SLC35B2: variants seen among roughly 807,000 people sequenced by gnomAD.
SLC35B2 encodes adenosine 3'-phospho 5'-phosphosulfate transporter 1.
A neutral mutation model predicts 37.9 loss-of-function variants in SLC35B2; 19 were observed. The observed-to-expected ratio is 0.50, with a 90% CI of 0.35 to 0.74. The LOEUF (loss-of-function observed/expected upper bound fraction) is 0.74. Ranked by LOEUF, SLC35B2 falls within the 30% of genes least tolerant of loss-of-function variation. The probability of loss-of-function intolerance (pLI) is 0.01; values close to 1 mark genes in which losing one functional copy is unlikely to be tolerated. For missense variants in SLC35B2, 633 were observed against 547.6 expected (o/e 1.16, Z -1.56); for synonymous variants, 277 against 225.2 (o/e 1.23, Z -2.06).
At chr6:44,257,289 G>T in intron 1 of SLC35B2, 111 bp downstream of exon 1, 1 of 1,206,962 alleles carries the variant, frequency 8.3e-7, no homozygotes, top group Non-Finnish European at 1.1e-6. Context: ...GCAGCGATAT[G>T]CTGGCCGACG....
rs1371530853 is a variant in SLC35B2 at position 44,257,437 on chromosome 6, G to T, written c.-27C>A. 6 of 1,253,702 alleles carry T rather than the reference G, an allele frequency of 4.8e-6. No individual in the cohort carries two copies. The Admixed American group carries it at 1.7e-4, about 35-fold the overall frequency. 77.7% of individuals were successfully genotyped at this position (1,253,702 alleles called of 1,614,324 possible). A position where few individuals can be genotyped will look rare whatever the true frequency, so the allele number is the denominator to read the frequency against. Reference sequence around the variant, plus strand: ...GTCCAGGCCGCGTGGGGTGGAGGGGGAACCGGGGAATGCGAGTCCCCGGGC... The same window carrying T: ...GTCCAGGCCGCGTGGGGTGGAGGGGTAACCGGGGAATGCGAGTCCCCGGGC... On this transcript the variant is annotated 5_prime_UTR_variant, in exon 1 of 4. Transcript: ENST00000393812.
In SLC35B2 at chr6:44,254,995, AACTC is replaced by A. The variant is rs1781235461; in HGVS notation, c.1006_1009del (p.Glu336LeufsTer35). The stretch of plus-strand genomic sequence containing the variant: ...GGAGAGTAGCAGGGCATGGGCAGCA[AACTC>A]ACTGTGTCGCCCCATGAAGCGGGTT... On this transcript the variant is annotated frameshift_variant, in exon 4 of 4. Transcript: ENST00000393812. LOFTEE classifies it high-confidence loss of function. The A allele has an allele frequency of 1.2e-6, 2 of 1,614,216 alleles. No homozygotes were observed. The highest frequency in any genetic ancestry group is 1.7e-6 in the Non-Finnish European group (2 of 1,180,028).
At chr6:44,257,003 G>A in intron 1 of SLC35B2, 125 bp from the exon 2 acceptor site, 2 of 1,064,842 alleles carry the variant, frequency 1.9e-6, no homozygotes, top group Non-Finnish European at 2.6e-6. Context: ...CTCCGGCCCG[G>A]ACAAAGAGCC....
chr6:44,255,517 G>A lies in SLC35B2; in HGVS notation c.488C>T (p.Ala163Val). The A allele has an allele frequency of 6.2e-7, 1 of 1,614,188 alleles. No individual in the cohort carries two copies. The highest frequency in any genetic ancestry group is 1.1e-5 in the South Asian group (1 of 91,080). ...ACAGGAGAGGCCAGCCACAATCAGT[G>A]CCAGCACTCGGTTCATTAGCACCAG... ...QFLVLMNRVLALIVAGLSCVL... is the reference protein window; with the variant it reads ...QFLVLMNRVLVLIVAGLSCVL... Residue 163 changes from alanine to valine, a missense_variant, in exon 4 of 4, where the codon GCA (alanine) becomes GTA (valine). By Grantham distance (64) the Ala-to-Val change is moderately conservative. Transcript: ENST00000393812.
rs1291563654 is a variant in SLC35B2 at position 44,254,764 on chromosome 6, CG to C, written c.1240del (p.Arg414ValfsTer2). The part of the protein sequence containing the change: ...ALLLRVYARG[R>X]LKQRGKKAVP... Reference sequence around the variant, plus strand: ...AGCCTTCTTTCCCCGTTGCTTTAGACGGCCCCGCGCGTAGACTCTGAGCAGG... The same window carrying C: ...AGCCTTCTTTCCCCGTTGCTTTAGACGCCCCGCGCGTAGACTCTGAGCAGG... On this transcript the variant is annotated frameshift_variant, in exon 4 of 4. Transcript: ENST00000393812. LOFTEE classifies it high-confidence loss of function. The C allele has an allele frequency of 2.5e-6, 4 of 1,613,986 alleles. No homozygotes were observed. Among genetic ancestry groups the C allele is most frequent in the Non-Finnish European group, 3.4e-6 (4 of 1,179,996 alleles).
rs778602962 is a variant in SLC35B2, at chr6:44,255,008, G to A, written c.997C>T (p.Arg333Ter). 3.7e-6 allele frequency: 6 copies of A among 1,614,198 alleles called. No individual in the cohort carries two copies. Among genetic ancestry groups the A allele is most frequent in the Non-Finnish European group, 2.5e-6 (3 of 1,180,022 alleles). The change falls in exon 4 of 4, where the codon CGA (arginine) becomes TGA (stop). Residue 333 changes from arginine to a stop codon, truncating the protein, a stop_gained. Transcript: ENST00000393812. LOFTEE classifies it high-confidence loss of function. ...GCATGGGCAGCAAACTCACTGTGTC[G>A]CCCCATGAAGCGGGTTCCCTCCAGT... The part of the protein sequence containing the change: ...ALLEGTRFMG[R>*]HSEFAAHALL...
chr6:44,254,993 C>G lies in SLC35B2; in HGVS notation c.1012G>C (p.Ala338Pro). 4.3e-6 allele frequency: 7 copies of G among 1,614,222 alleles called. No homozygotes were observed. Among genetic ancestry groups the G allele is most frequent in the Non-Finnish European group, 5.9e-6 (7 of 1,180,026 alleles). Residue 338 changes from alanine (A) to proline (P), a missense_variant, in exon 4 of 4, where the codon GCT becomes CCT. Ala to Pro is a conservative substitution (Grantham distance 27, BLOSUM62 -1). Transcript: ENST00000393812. Reference protein sequence around the residue: ...TRFMGRHSEFAAHALLLSICS... With the variant: ...TRFMGRHSEFPAHALLLSICS... Reference sequence around the variant, plus strand: ...ATGGAGAGTAGCAGGGCATGGGCAGCAAACTCACTGTGTCGCCCCATGAAG... The same window carrying G: ...ATGGAGAGTAGCAGGGCATGGGCAGGAAACTCACTGTGTCGCCCCATGAAG...
Position 44,255,440 on chromosome 6 carries a change from C to T in SLC35B2, c.565G>A (p.Ala189Thr). The T allele has an allele frequency of 6.2e-7, 1 of 1,614,220 alleles. No homozygotes were observed. ...CTGCTAAGCACATTGGACAGGCTGG[C>T]AAAGGAGTACCGGTACATGGGTGCC... ...HGAPMYRYSF[A>T]SLSNVLSSWC... The change falls in exon 4 of 4, where the codon GCC (alanine) becomes ACC (threonine). Residue 189 changes from alanine (A) to threonine (T), a missense_variant. Transcript: ENST00000393812.
chr6:44,257,129 C>T (rs753169056), intron 1 of SLC35B2: 6 of 549,372 alleles, frequency 1.1e-5, no homozygotes, highest in Non-Finnish European at 1.8e-5. Context: ...CTGTTCCCTC[C>T]AACGCTAGCC....
At position 44,255,595 on chromosome 6, in the gene SLC35B2, C is replaced by G; in HGVS notation, c.410G>C (p.Ser137Thr). ...GVLQERVMTR[S>T]YGATATSPGE... The stretch of plus-strand genomic sequence containing the variant: ...CGGTGATGTGGCTGTGGCCCCATAG[C>G]TGCGGGTCATCACTCTTTCCTGCAG... The change falls in exon 4 of 4, where the codon AGC (serine) becomes ACC (threonine). Residue 137 changes from serine to threonine, a missense_variant. Physicochemically the swap from Ser to Thr is moderately conservative, Grantham distance 58 (BLOSUM62 1). Transcript: ENST00000393812. The G allele has an allele frequency of 6.2e-7, 1 of 1,614,126 alleles. No homozygotes were observed. Among genetic ancestry groups the G allele is most frequent in the Non-Finnish European group, 8.5e-7 (1 of 1,180,028 alleles).
Position 44,254,401 on chromosome 6 carries a change from A to C in SLC35B2, c.*305T>G. 1 of 325,804 alleles carries C rather than the reference A, an allele frequency of 3.1e-6. No individual in the cohort carries two copies. Among genetic ancestry groups the C allele is most frequent in the Non-Finnish European group, 5.5e-6 (1 of 181,334 alleles). The allele number at this position is 325,804 out of a possible 1,614,324, so 20.2% of individuals were successfully genotyped here. A position where few individuals can be genotyped will look rare whatever the true frequency, so the allele number is the denominator to read the frequency against. The stretch of plus-strand genomic sequence containing the variant: ...GCAGAGCACAGCTAGGGCAAGACTT[A>C]AGGGAACTTGTGGGAAGAGTAACTG... On this transcript the variant is annotated 3_prime_UTR_variant, in exon 4 of 4. Coordinates refer to ENST00000393812, the MANE Select transcript of SLC35B2 (RefSeq NM_178148.4).
chr6:44,257,185 C>T, intron 1 of SLC35B2: 3 of 531,758 alleles, frequency 5.6e-6, no homozygotes, highest in Non-Finnish European at 9.0e-6. Flanking sequence ...CACTCCCCTC[C>T]ACGATCCGGG....
At position 44,254,848 on chromosome 6, in the gene SLC35B2, T is replaced by G. The variant is rs1429606724; in HGVS notation, c.1157A>C (p.Tyr386Ser). 1.2e-6 allele frequency: 2 copies of G among 1,613,944 alleles called. No homozygotes were observed. The highest frequency in any genetic ancestry group is 1.7e-6 in the Non-Finnish European group (2 of 1,179,996). ...AFAILLSCLLYGHTVTVVGGL... is the reference protein window; with the variant it reads ...AFAILLSCLLSGHTVTVVGGL... ...TCCCACCACAGTGACAGTGTGGCCA[T>G]AGAGAAGGCAGGAAAGAAGGATGGC... is the stretch of plus-strand genomic sequence containing the variant. Residue 386 changes from tyrosine to serine, a missense_variant, in exon 4 of 4, where the codon TAT (tyrosine) becomes TCT (serine). Physicochemically the swap from Tyr to Ser is moderately radical, Grantham distance 144. Coordinates refer to ENST00000393812, the MANE Select transcript of SLC35B2 (RefSeq NM_178148.4).
intron 3 of SLC35B2, 49 bp downstream of exon 3, chr6:44,256,293 T>G: frequency 6.4e-7 from 1 of 1,571,672 alleles, no homozygotes; most frequent in Non-Finnish European, 8.6e-7. Context: ...ACAGAATCCC[T>G]GCCCACCGGC....
rs1561906531 is a variant in SLC35B2, at chr6:44,254,745, C to CT, written c.1259dup (p.Lys421GlufsTer6). 1 of 1,613,920 alleles carries CT rather than the reference C, an allele frequency of 6.2e-7. No homozygotes were observed. Among genetic ancestry groups the CT allele is most frequent in the Non-Finnish European group, 8.5e-7 (1 of 1,179,840 alleles). On this transcript the variant is annotated frameshift_variant, in exon 4 of 4. Coordinates refer to ENST00000393812, the MANE Select transcript of SLC35B2 (RefSeq NM_178148.4). LOFTEE classifies it high-confidence loss of function. The stretch of plus-strand genomic sequence containing the variant: ...CAGGAGACTCAACAGGCACAGCCTT[C>CT]TTTCCCCGTTGCTTTAGACGGCCCC...
chr6:44,256,661 C>T, intron 2 of SLC35B2, 24 bp downstream of exon 2: 1 of 1,613,748 alleles, frequency 6.2e-7, no homozygotes, highest in South Asian at 1.1e-5. Flanking sequence ...ACCTAGCTCA[C>T]TTCCCCGCCC....
Position 44,255,589 on chromosome 6 carries a change from C to T in SLC35B2, c.416G>A (p.Gly139Glu), listed in dbSNP as rs1382224651. 6.2e-7 allele frequency: 1 copy of T among 1,614,058 alleles called. No individual in the cohort carries two copies. Among genetic ancestry groups the T allele is most frequent in the Non-Finnish European group, 8.5e-7 (1 of 1,180,020 alleles). ...LQERVMTRSYGATATSPGERF... is the reference protein window; with the variant it reads ...LQERVMTRSYEATATSPGERF... The stretch of plus-strand genomic sequence containing the variant: ...CTCACCCGGTGATGTGGCTGTGGCC[C>T]CATAGCTGCGGGTCATCACTCTTTC... The change falls in exon 4 of 4, where the codon GGG (glycine) becomes GAG (glutamate). Residue 139 changes from glycine (G) to glutamate (E), a missense_variant. By Grantham distance (98) the Gly-to-Glu change is moderately conservative (BLOSUM62 -2). Coordinates refer to ENST00000393812, the MANE Select transcript of SLC35B2 (RefSeq NM_178148.4).
rs1342217925 is a variant in SLC35B2 at position 44,255,064 on chromosome 6, G to A, written c.941C>T (p.Thr314Ile). Residue 314 changes from threonine to isoleucine, a missense_variant, in exon 4 of 4, where the codon ACA (threonine) becomes ATA (isoleucine). By Grantham distance (89) the Thr-to-Ile change is moderately conservative. Coordinates refer to ENST00000393812, the MANE Select transcript of SLC35B2 (RefSeq NM_178148.4). ...FGVNFFSCLF[T>I]VGSLLEQGAL... ...CCCCTGTTCTAGCAGTGAGCCCACT[G>A]TGAAGAGGCAGGAGAAGAAATTGAC... The A allele has an allele frequency of 9.3e-6, 15 of 1,614,246 alleles. No homozygotes were observed. Among genetic ancestry groups the A allele is most frequent in the Non-Finnish European group, 1.3e-5 (15 of 1,180,052 alleles).
intron 1 of SLC35B2, 24 bp from the exon 2 acceptor site, chr6:44,256,902 A>T (rs1561911156): frequency 5.7e-6 from 9 of 1,584,508 alleles, no homozygotes; most frequent in Non-Finnish European, 7.7e-6. Flanking sequence ...GGACATAAGG[A>T]TTAGGGCGCA....
Sources: allele counts gnomAD v4.1 joint callset, GRCh38; gene constraint gnomAD v4.1.1; transcripts MANE v1.5; gene names NCBI Gene and HGNC (gene_info 2026-07-23, HGNC 2026-07-21).